Variants in LRP1B observed in about 807,000 individuals in gnomAD.
LRP1B encodes the protein LDL receptor related protein 1B.
In LRP1B, 217 loss-of-function variants were observed where a neutral mutation model predicts 556.6. That is an observed-to-expected ratio of 0.39 (90% CI 0.35 to 0.44). The LOEUF is 0.44. LRP1B is among the 20% of genes least tolerant of loss of function. LRP1B has a pLI of 1.00. For synonymous variants in LRP1B, 2,047 were observed against 1,865.8 expected (o/e 1.10, Z -2.50); for missense variants, 5,053 against 5,620.8 (o/e 0.90, Z 3.23).
chr2:141,440,911 C>G (rs879454748), intron 3 of LRP1B, among the ~76,000 whole-genome samples: 2 of 152,174 alleles, frequency 1.3e-5, no homozygotes, highest in Non-Finnish European at 2.9e-5. Context: ...CTGGTTGTCA[C>G]ACTGAAGGAA....
intron 83 of LRP1B, among the ~76,000 whole-genome samples, chr2:140,303,518 A>C (rs1359776108): frequency 3.9e-5 from 6 of 152,086 alleles, no homozygotes; most frequent in Admixed American, 2.6e-4. Context: ...AAGTGCTGGG[A>C]TTACAGGCGT....
rs1559079721 is a variant in LRP1B, at chr2:142,115,564, A to AC, written c.82+15083_82+15084insG. 4.1e-4 allele frequency among the ~76,000 whole-genome samples: 17 copies of AC among 41,000 alleles called. 2 individuals carry two copies. Among genetic ancestry groups the AC allele is most frequent in the Non-Finnish European group, 4.8e-4 (11 of 22,854 alleles). The allele number at this position is 41,000 out of a possible 152,430, so 26.9% of individuals were successfully genotyped here. The stretch of plus-strand genomic sequence containing the variant: ...TATGTAATATATATATTATATATGT[A>AC]ATATATATTATATATGTAATATATA... On this transcript the variant is annotated intron_variant, in intron 1 of 90. Coordinates refer to ENST00000389484, the MANE Select transcript of LRP1B (RefSeq NM_018557.3).
intron 79 of LRP1B, among the ~76,000 whole-genome samples, chr2:140,326,552 T>C (rs528289546): frequency 3.9e-5 from 6 of 151,924 alleles, no homozygotes; most frequent in Non-Finnish European, 7.4e-5. Flanking sequence ...CTGTCTCTAC[T>C]AAAAATACAA....
intron 82 of LRP1B, among the ~76,000 whole-genome samples, chr2:140,316,555 T>C (rs1204690075): frequency 6.6e-6 from 1 of 152,098 alleles, no homozygotes; most frequent in Non-Finnish European, 1.5e-5. Context: ...AACTCTCTCA[T>C]GACGTAATAG....
Position 140,506,828 on chromosome 2 carries a change from C to G in LRP1B, c.8489G>C (p.Cys2830Ser), listed in dbSNP as rs2104907036. The G allele has an allele frequency of 6.2e-7, 1 of 1,614,020 alleles. No individual in the cohort carries two copies. Among genetic ancestry groups the G allele is most frequent in the Non-Finnish European group, 8.5e-7 (1 of 1,179,964 alleles). The change falls in exon 53 of 91, where the codon TGT becomes TCT. Residue 2830 changes from cysteine (C) to serine (S), a missense_variant. Cys to Ser is a moderately radical substitution (Grantham distance 112, BLOSUM62 -1). Coordinates refer to ENST00000389484, the MANE Select transcript of LRP1B (RefSeq NM_018557.3). ...KQFVCDHDDD[C>S]GDGSDESPQC... is the part of the protein sequence containing the mutation. ...CGGTGACTCATCAGAGCCATCTCCACAGTCGTCATCATGGTCACAAACAAA... is the reference window on the plus strand; with the variant it reads ...CGGTGACTCATCAGAGCCATCTCCAGAGTCGTCATCATGGTCACAAACAAA...
At chr2:140,904,613 A>G (rs1171311357) in intron 22 of LRP1B, among the ~76,000 whole-genome samples, 1 of 152,120 alleles carries the variant, frequency 6.6e-6, no homozygotes, top group Admixed American at 6.6e-5. Context: ...CAGTAATAAG[A>G]AAAGGAAAAT....
chr2:141,424,854 G>A (rs1160707869), intron 3 of LRP1B, among the ~76,000 whole-genome samples: 2 of 152,130 alleles, frequency 1.3e-5, no homozygotes. Flanking sequence ...TTGTAGTGAG[G>A]TTTCAATGAA....
At position 141,247,243 on chromosome 2, in the gene LRP1B, G is replaced by T. The variant is rs1386099619; in HGVS notation, c.575C>A (p.Ser192Tyr). The T allele has an allele frequency of 6.2e-7, 1 of 1,613,730 alleles. No individual in the cohort carries two copies. Among genetic ancestry groups the T allele is most frequent in the Non-Finnish European group, 8.5e-7 (1 of 1,179,762 alleles). Residue 192 changes from serine to tyrosine, a missense_variant, in exon 5 of 91, where the codon TCT becomes TAT. Ser to Tyr is a moderately radical substitution (Grantham distance 144, BLOSUM62 -2). Transcript: ENST00000389484. ...TAACTTACCAATTTTAGCCTTGCAA[G>T]ATCTGTTGTCTGGCTGCATTAGGTA... The part of the protein sequence containing the change: ...EGYLMQPDNR[S>Y]CKAKIEPTDR...
chr2:142,031,330 ATTT>A lies in LRP1B; in HGVS notation c.82+99315_82+99317del, dbSNP rs560363480. Among the ~76,000 whole-genome samples the A allele has an allele frequency of 9.0e-3, 1,055 of 117,036 alleles. 60 individuals are homozygous for A. The highest frequency in any genetic ancestry group is 0.029 in the African/African-American group (973 of 33,942). 76.8% of individuals were successfully genotyped at this position (117,036 alleles called of 152,430 possible). A position where few individuals can be genotyped will look rare whatever the true frequency, so the allele number is the denominator to read the frequency against. The stretch of plus-strand genomic sequence containing the variant: ...ATTTAGAGAAAGGTTGATTATACTT[ATTT>A]TTTTTTTTTTTTTTTATTATACTCT... On this transcript the variant is annotated intron_variant, in intron 1 of 90. Transcript: ENST00000389484.
At position 140,297,968 on chromosome 2, in the gene LRP1B, C is replaced by A. The variant is rs371067549; in HGVS notation, c.12807G>T (p.Gly4269=). The A allele has an allele frequency of 1.9e-6, 3 of 1,591,908 alleles. No individual in the cohort carries two copies. Among genetic ancestry groups the A allele is most frequent in the Middle Eastern group, 1.7e-4 (1 of 5,944 alleles). Residue 4269 remains glycine, a splice_region_variant and synonymous_variant, in exon 84 of 91, where the codon GGG becomes GGT. Coordinates refer to ENST00000389484, the MANE Select transcript of LRP1B (RefSeq NM_018557.3). ...NGGTCVPSVL[G]RPTCSCALGF... is the part of the protein sequence containing the mutation. ...CCAGTGCACAGCTGCAGGTGGGTCTCCCTATTGGAAACAATAAGTAATAAA... is the reference window on the plus strand; with the variant it reads ...CCAGTGCACAGCTGCAGGTGGGTCTACCTATTGGAAACAATAAGTAATAAA...
chr2:141,279,211 G>C (rs967392296), intron 3 of LRP1B, among the ~76,000 whole-genome samples: 21 of 151,918 alleles, frequency 1.4e-4, no homozygotes, highest in Admixed American at 5.9e-4. Context: ...TAAATGAATT[G>C]ATTATGCACC....
intron 21 of LRP1B, among the ~76,000 whole-genome samples, chr2:140,913,025 A>G (rs1033532437): frequency 1.3e-4 from 19 of 151,804 alleles, no homozygotes; most frequent in Non-Finnish European, 1.6e-4. Context: ...TATATTAAGA[A>G]TAATAATATT....
Position 140,475,358 on chromosome 2 carries a change from T to A in LRP1B, c.9426-21A>T, listed in dbSNP as rs76196699. The A allele has an allele frequency of 2.0e-6, 3 of 1,528,174 alleles. No homozygotes were observed. In the East Asian group the frequency reaches 7.1e-5, roughly 36 times the overall value. 94.7% of individuals were successfully genotyped at this position (1,528,174 alleles called of 1,614,324 possible). A position where few individuals can be genotyped will look rare whatever the true frequency, so the allele number is the denominator to read the frequency against. Reference sequence around the variant, plus strand: ...AATATCTAGGAAAGAAAATCAATACTGATTTTGTTTACAGATTCTCTGGGA... The same window carrying A: ...AATATCTAGGAAAGAAAATCAATACAGATTTTGTTTACAGATTCTCTGGGA... On this transcript the variant is annotated intron_variant, in intron 59 of 90. Transcript: ENST00000389484.
intron 1 of LRP1B, among the ~76,000 whole-genome samples, chr2:141,834,682 G>A (rs1697211813): frequency 6.6e-6 from 1 of 151,948 alleles, no homozygotes; most frequent in African/African-American, 2.4e-5. Context: ...CCACTATGGT[G>A]CTATCAAGTG....
At chr2:140,940,178 C>G (rs1335424039) in intron 20 of LRP1B, among the ~76,000 whole-genome samples, 1 of 152,062 alleles carries the variant, frequency 6.6e-6, no homozygotes, top group Non-Finnish European at 1.5e-5. Context: ...AGCCACCACG[C>G]CCAGCCTATT....
At chr2:141,023,170 A>C (rs1427298758) in intron 11 of LRP1B, among the ~76,000 whole-genome samples, 1 of 151,980 alleles carries the variant, frequency 6.6e-6, no homozygotes, top group African/African-American at 2.4e-5. Flanking sequence ...TATTTTTCTC[A>C]AATTATTATA....
At chr2:140,541,170 TA>T in intron 44 of LRP1B, 72 bp from the exon 45 acceptor site, 1 of 1,275,558 alleles carries the variant, frequency 7.8e-7, no homozygotes, top group Non-Finnish European at 1.1e-6. Context: ...ATATTAATCG[TA>T]AACTATTAGA....
chr2:141,128,107 A>C (rs2105018154), intron 7 of LRP1B, among the ~76,000 whole-genome samples: 1 of 152,284 alleles, frequency 6.6e-6, no homozygotes, highest in South Asian at 2.1e-4. Context: ...CAGGCTCCCA[A>C]AGGATGTTAA....
At chr2:141,266,047 A>G (rs300403) in intron 3 of LRP1B, among the ~76,000 whole-genome samples, 146,456 of 152,210 alleles carry the variant, frequency 0.96, 70,701 homozygotes, top group East Asian at 1. Flanking sequence ...ATGTCTGGCC[A>G]GGCGCGGTGG....
Sources: allele counts gnomAD v4.1 joint callset (sites outside exome capture counted in the v4.1 genomes callset), GRCh38; gene constraint gnomAD v4.1.1; transcripts MANE v1.5; gene names NCBI Gene and HGNC (gene_info 2026-07-23, HGNC 2026-07-21).